HTT: variants seen among roughly 807,000 people sequenced by gnomAD.
The protein encoded by HTT is huntingtin.
In HTT, 104 loss-of-function variants were observed where a neutral mutation model predicts 362.3. That is an observed-to-expected ratio of 0.29 (90% CI 0.24 to 0.34). The LOEUF is 0.34. Ranked by LOEUF, HTT falls within the 10% of genes least tolerant of loss-of-function variation. The probability of loss-of-function intolerance (pLI) is 1.00; values close to 1 mark genes in which losing one functional copy is unlikely to be tolerated. For missense variants in HTT, 3,301 were observed against 3,928.6 expected (o/e 0.84, Z 4.27); for synonymous variants, 1,577 against 1,548.7 (o/e 1.02, Z -0.43).
chr4:3,147,651 G>T (rs1167195670), intron 25 of HTT, among the ~76,000 whole-genome samples: 2 of 152,308 alleles, frequency 1.3e-5, no homozygotes, highest in Non-Finnish European at 2.9e-5. Flanking sequence ...TAATGTTGAT[G>T]CTAAGGCAAG....
intron 1 of HTT, among the ~76,000 whole-genome samples, chr4:3,075,499 G>C (rs1396577325): frequency 2.0e-5 from 3 of 152,184 alleles, no homozygotes; most frequent in Admixed American, 2.0e-4. Flanking sequence ...GCCGAGATTT[G>C]CTCAGTGCCA....
At chr4:3,216,881 C>T (rs372486142) in intron 51 of HTT, among the ~76,000 whole-genome samples, 21 of 151,804 alleles carry the variant, frequency 1.4e-4, no homozygotes, top group African/African-American at 4.3e-4. Flanking sequence ...AAAAATTAGC[C>T]GGGCGTAGTG....
At chr4:3,216,053 G>C (rs1433063186) in intron 51 of HTT, among the ~76,000 whole-genome samples, 1 of 152,204 alleles carries the variant, frequency 6.6e-6, no homozygotes. Flanking sequence ...ATGCTCTGTG[G>C]CTCAGGAAAC....
At chr4:3,171,843 TG>T (rs1441661291) in intron 29 of HTT, among the ~76,000 whole-genome samples, 1 of 152,206 alleles carries the variant, frequency 6.6e-6, no homozygotes, top group African/African-American at 2.4e-5. Flanking sequence ...TAAAAATGCT[TG>T]TGAGAAGAGT....
chr4:3,074,966 G>GCCTCCT lies in HTT; in HGVS notation c.143_148dup (p.Pro48_Pro49dup), dbSNP rs547233813. The GCCTCCT allele has an allele frequency of 7.6e-6, 11 of 1,450,494 alleles. No individual in the cohort carries two copies. Among genetic ancestry groups the GCCTCCT allele is most frequent in the Non-Finnish European group, 1.0e-5 (11 of 1,096,322 alleles). The allele number at this position is 1,450,494 out of a possible 1,614,324, so 89.9% of individuals were successfully genotyped here. Reference sequence around the variant, plus strand: ...CGCCACCGCCGCCGCCGCCGCCGCCGCCTCCTCAGCTTCCTCAGCCGCCGC... The same window carrying GCCTCCT: ...CGCCACCGCCGCCGCCGCCGCCGCCGCCTCCTCCTCCTCAGCTTCCTCAGCCGCCGC... On this transcript the variant is annotated inframe_insertion, in exon 1 of 67. Coordinates refer to ENST00000355072, the MANE Select transcript of HTT (RefSeq NM_001388492.1).
chr4:3,079,270 G>GTTTTTTTTT (rs1712760135), intron 1 of HTT, among the ~76,000 whole-genome samples: 1 of 134,976 alleles, frequency 7.4e-6, no homozygotes. Flanking sequence ...TTTTTTTGGG[G>GTTTTTTTTT]TTGGGGGGCA....
At chr4:3,075,696 C>A (rs1712500866) in intron 1 of HTT, among the ~76,000 whole-genome samples, 1 of 150,278 alleles carries the variant, frequency 6.7e-6, no homozygotes, top group Non-Finnish European at 1.5e-5. Context: ...ATTTCTTTTC[C>A]TAGTGGCACT....
At chr4:3,167,634 CAGTG>C (rs1717781340) in intron 29 of HTT, among the ~76,000 whole-genome samples, 1 of 151,720 alleles carries the variant, frequency 6.6e-6, no homozygotes, top group Non-Finnish European at 1.5e-5. Flanking sequence ...CAGTTACAGT[CAGTG>C]AATGTATCAA....
chr4:3,210,435 C>T (rs145476190), intron 47 of HTT, among the ~76,000 whole-genome samples: 2 of 152,156 alleles, frequency 1.3e-5, no homozygotes, highest in African/African-American at 2.4e-5. Flanking sequence ...GATCTTTAGT[C>T]GTAAAAGAGA....
intron 19 of HTT, among the ~76,000 whole-genome samples, chr4:3,135,141 T>TA (rs892447745): frequency 1.3e-5 from 2 of 151,990 alleles, no homozygotes; most frequent in Non-Finnish European, 2.9e-5. Flanking sequence ...CTTAAACTTT[T>TA]AAAAAAATGT....
intron 8 of HTT, 150 bp from the exon 9 acceptor site, chr4:3,121,078 C>A: frequency 1.7e-6 from 1 of 592,274 alleles, no homozygotes; most frequent in African/African-American, 1.9e-5. Flanking sequence ...AGCTAATGAT[C>A]ACATTGGTGG....
At chr4:3,124,724 A>G (rs1715445389) in intron 10 of HTT, among the ~76,000 whole-genome samples, 1 of 152,212 alleles carries the variant, frequency 6.6e-6, no homozygotes, top group South Asian at 2.1e-4. Flanking sequence ...AGATAGGCCA[A>G]GTTGCTGTGT....
intron 28 of HTT, 56 bp from the exon 29 acceptor site, chr4:3,160,226 A>G (rs1717369343): frequency 7.0e-6 from 8 of 1,148,802 alleles, no homozygotes; most frequent in South Asian, 3.9e-5. Flanking sequence ...TTGGTTGTAC[A>G]TTATGAGATC....
At chr4:3,209,785 C>A in intron 46 of HTT, 42 bp from the exon 47 acceptor site, 1 of 1,608,148 alleles carries the variant, frequency 6.2e-7, no homozygotes, top group Non-Finnish European at 8.5e-7. Flanking sequence ...TCCCCTTGAA[C>A]GCCGCCCATC....
At chr4:3,138,180 CG>C (rs1716169624) in intron 21 of HTT, among the ~76,000 whole-genome samples, 1 of 126,040 alleles carries the variant, frequency 7.9e-6, no homozygotes, top group African/African-American at 3.5e-5. Context: ...TTCCCCTTCC[CG>C]CCTGCCTGCC....
In HTT at chr4:3,206,675, T is replaced by G. The variant is rs750974070; in HGVS notation, c.5898T>G (p.Thr1966=). Residue 1966 remains threonine (T), a splice_region_variant and synonymous_variant, in exon 43 of 67, where the codon ACT becomes ACG. Transcript: ENST00000355072. The surrounding 1 kb of genome is among the most constrained non-coding windows in gnomAD (Gnocchi z 4.6). ...AIQSRCENLS[T]PTMLKKTLQC... ...AGTCTCGTTGTGAAAACCTTTCAAC[T>G]GTACGTCTTCATCCTGCCGACTATT... 1.2e-6 allele frequency: 2 copies of G among 1,613,378 alleles called. No individual in the cohort carries two copies. Among genetic ancestry groups the G allele is most frequent in the African/African-American group, 2.7e-5 (2 of 74,958 alleles).
rs868348450 is a variant in HTT at position 3,075,082 on chromosome 4, A to C, written c.257A>C (p.His86Pro). The change falls in exon 1 of 67, where the codon CAC (histidine) becomes CCC (proline). Residue 86 changes from histidine to proline, a missense_variant. Transcript: ENST00000355072. ...CCGGCTGTGGCTGAGGAGCCGCTGCACCGACCGTGAGTTTGGGCCCGCTGC... is the reference window on the plus strand; with the variant it reads ...CCGGCTGTGGCTGAGGAGCCGCTGCCCCGACCGTGAGTTTGGGCCCGCTGC... ...PGPAVAEEPL[H>P]RPKKELSATK... The C allele has an allele frequency of 1.2e-3, 1,520 of 1,236,432 alleles. 9 individuals are homozygous for C. Among genetic ancestry groups the C allele is most frequent in the Middle Eastern group, 8.2e-3 (26 of 3,188 alleles). The allele number at this position is 1,236,432 out of a possible 1,614,324, so 76.6% of individuals were successfully genotyped here.
intron 1 of HTT, among the ~76,000 whole-genome samples, chr4:3,080,151 ATGATG>A (rs1164359796): frequency 6.7e-6 from 1 of 148,468 alleles, no homozygotes; most frequent in African/African-American, 2.5e-5. Flanking sequence ...CTGGAGTGCA[ATGATG>A]TGATCTCAGC....
chr4:3,121,375 G>T lies in HTT; in HGVS notation c.1216G>T (p.Ala406Ser), dbSNP rs769713450. Residue 406 changes from alanine (A) to serine (S), a missense_variant, in exon 9 of 67, where the codon GCT becomes TCT. By Grantham distance (99) the Ala-to-Ser change is moderately conservative. This residue lies in a region of HTT where 2,316 missense variants were observed against 2,658.5 expected (regional missense o/e 0.87). Transcript: ENST00000355072. ...AGTCGGGGGCATTGGGCAGCTCACC[G>T]CTGCTAAGGAGGAGTCTGGTGGCCG... The part of the protein sequence containing the change: ...TAVGGIGQLT[A>S]AKEESGGRSR... The T allele has an allele frequency of 1.1e-5, 18 of 1,614,158 alleles. No individual in the cohort carries two copies. The East Asian group carries it at 3.6e-4, about 32-fold the overall frequency.
Sources: allele counts gnomAD v4.1 joint callset (sites outside exome capture counted in the v4.1 genomes callset), GRCh38; gene constraint gnomAD v4.1.1; regional missense constraint gnomAD v4.1.1; non-coding constraint Gnocchi (gnomAD v3.1); transcripts MANE v1.5; gene names NCBI Gene and HGNC (gene_info 2026-07-23, HGNC 2026-07-21).